Variants in STX2 observed in about 807,000 individuals in gnomAD.
STX2 encodes syntaxin 2, also known as syntaxin-2.
Under a neutral mutation model 40.6 loss-of-function variants are expected in STX2, and 27 were observed. The ratio of observed to expected loss-of-function variants is 0.66; its 90% CI spans 0.49 to 0.92. The LOEUF is 0.92. Ranked by LOEUF, STX2 falls within the 40% of genes least tolerant of loss-of-function variation. STX2 has a pLI of 0.00. For missense variants in STX2, 328 were observed against 366.1 expected, an observed-to-expected ratio of 0.90 and a Z score of 0.85; for synonymous variants, 123 against 119.1, an observed-to-expected ratio of 1.03 and a Z score of -0.22.
At position 130,821,726 on chromosome 12, in the gene STX2, G is replaced by C; in HGVS notation, c.168C>G (p.Asn56Lys). The change falls in exon 3 of 11, where the codon AAC becomes AAG. Residue 56 changes from asparagine (N) to lysine (K), a missense_variant. Asn to Lys is a moderately conservative substitution (Grantham distance 94, BLOSUM62 0). Transcript: ENST00000392373. ...TTGGTGCAGAAAGAATGATGCTGTG[G>C]TTTTTCTTTACTTCTTCAACATATT... ...ITQYVEEVKK[N>K]HSIILSAPNP... 6.2e-7 allele frequency: 1 copy of C among 1,613,736 alleles called. No homozygotes were observed. The highest frequency in any genetic ancestry group is 1.1e-5 in the South Asian group (1 of 91,060).
intron 1 of STX2, among the ~76,000 whole-genome samples, chr12:130,833,893 T>C (rs1174329700): frequency 1.3e-5 from 2 of 152,212 alleles, no homozygotes; most frequent in Non-Finnish European, 2.9e-5. Flanking sequence ...TCAGGCACCA[T>C]GCAGAATACT....
intron 1 of STX2, among the ~76,000 whole-genome samples, chr12:130,838,167 C>A (rs1952806094): frequency 6.6e-6 from 1 of 152,136 alleles, no homozygotes. Flanking sequence ...TGTGCACACA[C>A]GTAGCATGAA....
chr12:130,820,525 G>A (rs1565927185), intron 3 of STX2, among the ~76,000 whole-genome samples: 1 of 152,096 alleles, frequency 6.6e-6, no homozygotes, highest in Non-Finnish European at 1.5e-5. Context: ...AATTAGCTGG[G>A]CGTGGTGGTG....
chr12:130,797,584 G>A lies in STX2; in HGVS notation c.786+941C>T, dbSNP rs1024546276. 5.3e-5 allele frequency among the ~76,000 whole-genome samples: 8 copies of A among 152,168 alleles called. No homozygotes were observed. The East Asian group carries it at 5.8e-4, about 11-fold the overall frequency. On this transcript the variant is annotated intron_variant, in intron 9 of 10. Coordinates refer to ENST00000392373, the MANE Select transcript of STX2 (RefSeq NM_194356.4). Reference sequence around the variant, plus strand: ...GCCTGGAGGTGCATCCACACACACCGTCTCACTCCATTTTTTCCTAACACG... The same window carrying A: ...GCCTGGAGGTGCATCCACACACACCATCTCACTCCATTTTTTCCTAACACG...
At chr12:130,825,273 G>C (rs1952260199) in intron 2 of STX2, among the ~76,000 whole-genome samples, 1 of 152,144 alleles carries the variant, frequency 6.6e-6, no homozygotes, top group Non-Finnish European at 1.5e-5. Context: ...CTGACCTCAG[G>C]TGATCCACCC....
At chr12:130,819,170 G>A (rs1952015952) in intron 3 of STX2, among the ~76,000 whole-genome samples, 1 of 152,202 alleles carries the variant, frequency 6.6e-6, no homozygotes, top group Non-Finnish European at 1.5e-5. Flanking sequence ...GCCGTGCCCA[G>A]CCCTGCCCCG....
chr12:130,826,999 ACT>A (rs1952338619), intron 2 of STX2, among the ~76,000 whole-genome samples, 192 bp downstream of exon 2: 1 of 149,756 alleles, frequency 6.7e-6, no homozygotes, highest in Non-Finnish European at 1.5e-5. Flanking sequence ...ACAGAGCAAG[ACT>A]CTGTCTCCAA....
intron 4 of STX2, 121 bp from the exon 5 acceptor site, chr12:130,808,825 C>A (rs1951538788): frequency 2.4e-6 from 2 of 820,196 alleles, no homozygotes; most frequent in Non-Finnish European, 1.9e-6. Flanking sequence ...AGCTAATGAA[C>A]AAGTGACCTT....
Position 130,821,777 on chromosome 12 carries a change from A to G in STX2, c.117T>C (p.Ile39=). 1 of 1,606,922 alleles carries G rather than the reference A, an allele frequency of 6.2e-7. No individual in the cohort carries two copies. Among genetic ancestry groups the G allele is most frequent in the Non-Finnish European group, 8.5e-7 (1 of 1,173,476 alleles). ...MDDFFHQVEE[I]RNSIDKITQY... ...GAGTTATTTTATCAATACTGTTTCT[A>G]ATCTCCTCCACCTAGGAGAGAGAGA... is the stretch of plus-strand genomic sequence containing the variant. The change falls in exon 3 of 11, where the codon ATT becomes ATC. Residue 39 remains isoleucine (I), a synonymous_variant. Transcript: ENST00000392373.
At chr12:130,810,280 A>C (rs1243863812) in intron 4 of STX2, among the ~76,000 whole-genome samples, 5 of 152,206 alleles carry the variant, frequency 3.3e-5, no homozygotes, top group Non-Finnish European at 7.3e-5. Context: ...TATTAAGTAA[A>C]AATCCTTTCA....
intron 9 of STX2, 58 bp from the exon 10 acceptor site, chr12:130,796,178 TA>T: frequency 6.2e-7 from 1 of 1,602,050 alleles, no homozygotes; most frequent in Admixed American, 1.7e-5. Flanking sequence ...ATTGCCACAT[TA>T]AAAGACATCC....
chr12:130,795,692 A>T (rs972528013), intron 10 of STX2, among the ~76,000 whole-genome samples: 2 of 152,202 alleles, frequency 1.3e-5, no homozygotes, highest in Non-Finnish European at 2.9e-5. Flanking sequence ...GTGAGCCATG[A>T]TCACGCCACT....
At chr12:130,817,977 G>A (rs2136305091) in intron 3 of STX2, among the ~76,000 whole-genome samples, 1 of 151,614 alleles carries the variant, frequency 6.6e-6, no homozygotes, top group Middle Eastern at 3.4e-3. Flanking sequence ...GCTGAAGCAG[G>A]GCAGGGGTCC....
chr12:130,802,163 C>T (rs1486917489), intron 6 of STX2, among the ~76,000 whole-genome samples: 3 of 152,160 alleles, frequency 2.0e-5, no homozygotes, highest in Non-Finnish European at 2.9e-5. Context: ...CACTGACATA[C>T]GACTCAGCCA....
At position 130,839,100 on chromosome 12, in the gene STX2, C is replaced by G. The variant is rs1008456713; in HGVS notation, c.-1G>C. ...TCAGGTCTGGCAGCCGGTCCCGCAT[C>G]CCCGCCGGCCGGGCAGCGCGCCCCG... On this transcript the variant is annotated 5_prime_UTR_variant, in exon 1 of 11. Coordinates refer to ENST00000392373, the MANE Select transcript of STX2 (RefSeq NM_194356.4). 1 of 1,293,386 alleles carries G rather than the reference C, an allele frequency of 7.7e-7. No individual in the cohort carries two copies. Among genetic ancestry groups the G allele is most frequent in the African/African-American group, 1.5e-5 (1 of 65,014 alleles). The allele number at this position is 1,293,386 out of a possible 1,614,324, so 80.1% of individuals were successfully genotyped here.
chr12:130,811,536 C>CTTTT (rs71088788), intron 4 of STX2, among the ~76,000 whole-genome samples: 67 of 95,538 alleles, frequency 7.0e-4, no homozygotes, highest in Non-Finnish European at 1.0e-3. Context: ...CCATTAACAT[C>CTTTT]TTTTTTTTTT....
At chr12:130,795,873 G>A (rs962392097) in intron 10 of STX2, 122 bp downstream of exon 10, 122 of 1,189,228 alleles carry the variant, frequency 1.0e-4, no homozygotes, top group Non-Finnish European at 1.3e-4. Context: ...ATCACTAGAT[G>A]GCATTATCTG....
intron 3 of STX2, 45 bp downstream of exon 3, chr12:130,821,644 A>C: frequency 6.8e-7 from 1 of 1,474,736 alleles, no homozygotes. Context: ...AGCCAGAGGG[A>C]CACACAGACA....
intron 3 of STX2, among the ~76,000 whole-genome samples, chr12:130,817,442 A>G (rs1389675240): frequency 1.3e-5 from 2 of 152,176 alleles, no homozygotes; most frequent in African/African-American, 4.8e-5. Flanking sequence ...AATAGAGAAC[A>G]AAAGAGGAGA....
Sources: gnomAD v4.1 joint callset for allele counts (sites outside exome capture counted in the v4.1 genomes callset) on GRCh38, gnomAD v4.1.1 for gene constraint, MANE v1.5 for transcripts, NCBI Gene and HGNC (gene_info 2026-07-23, HGNC 2026-07-21) for gene names.